Variants in ZBBX observed in about 807,000 individuals in gnomAD.
The protein encoded by ZBBX is zinc finger B-box domain-containing protein 1.
Under a neutral mutation model 108.5 loss-of-function variants are expected in ZBBX, and 101 were observed. The observed-to-expected ratio is 0.93, with a 90% CI of 0.79 to 1.10. The LOEUF (loss-of-function observed/expected upper bound fraction) is 1.10. ZBBX is among the 50% of genes least tolerant of loss of function. The pLI is 0.00. For missense variants in ZBBX, 1,009 were observed against 941.4 expected (o/e 1.07, Z -0.94); for synonymous variants, 356 against 323.4 (o/e 1.10, Z -1.08).
At position 167,321,937 on chromosome 3, in the gene ZBBX, C is replaced by T. The variant is rs534521733; in HGVS notation, c.983+180G>A. ...CTGTAAATTAATGATGCATCATATA[C>T]ATAAATAGAATTAAAATTCTTATTG... On this transcript the variant is annotated intron_variant, in intron 12 of 21. Coordinates refer to ENST00000675490, the MANE Select transcript of ZBBX (RefSeq NM_001199201.2). Among the ~76,000 whole-genome samples, 4 of 151,986 alleles carry T rather than the reference C, an allele frequency of 2.6e-5. No individual in the cohort carries two copies. In the South Asian group the frequency reaches 8.3e-4, roughly 32 times the overall value.
At position 167,366,124 on chromosome 3, in the gene ZBBX, A is replaced by G. The variant is rs148231247; in HGVS notation, c.183-148T>C. ...CAAAACATGAAAAATAAATATCAAT[A>G]ATGTCACAATATCCTCAGTAATTTT... is the stretch of plus-strand genomic sequence containing the variant. On this transcript the variant is annotated intron_variant, in intron 5 of 21. Transcript: ENST00000675490. The G allele has an allele frequency of 5.7e-5, 29 of 504,622 alleles. No homozygotes were observed. In the Middle Eastern group the frequency reaches 1.2e-3, roughly 21 times the overall value. The allele number at this position is 504,622 out of a possible 1,614,324, so 31.3% of individuals were successfully genotyped here.
chr3:167,220,939 G>T, the ZBBX span, among the ~76,000 whole-genome samples: 5 of 151,600 alleles, frequency 3.3e-5, no homozygotes, highest in Non-Finnish European at 7.4e-5. Flanking sequence ...ATCTGAAAAA[G>T]AAATCAAGAA....
At chr3:167,215,166 A>T in the ZBBX span, among the ~76,000 whole-genome samples, 9 of 152,116 alleles carry the variant, frequency 5.9e-5, no homozygotes, top group South Asian at 1.9e-3. Context: ...GAGACATGAA[A>T]AGTAATTCAA....
Position 167,328,489 on chromosome 3 carries a change from G to GT in ZBBX, c.688-374dup, listed in dbSNP as rs879754287. ...AACCTTCTCATATCAAAAAAACAGG[G>GT]TTTTTTTTTAATGTAAATCTGATCA... is the stretch of plus-strand genomic sequence containing the variant. On this transcript the variant is annotated intron_variant, in intron 10 of 21. Transcript: ENST00000675490. Among the ~76,000 whole-genome samples the GT allele has an allele frequency of 7.2e-3, 1,082 of 150,954 alleles. 4 individuals are homozygous for GT. The highest frequency in any genetic ancestry group is 0.012 in the African/African-American group (477 of 41,120).
intron 19 of ZBBX, among the ~76,000 whole-genome samples, chr3:167,288,656 G>C (rs547993225): frequency 2.5e-4 from 38 of 152,284 alleles, no homozygotes; most frequent in Non-Finnish European, 4.9e-4. Context: ...AAATAACTAA[G>C]ATGATAATTC....
At chr3:167,389,210 T>G (rs1314486974) in intron 1 of ZBBX, among the ~76,000 whole-genome samples, 1 of 152,088 alleles carries the variant, frequency 6.6e-6, no homozygotes, top group Non-Finnish European at 1.5e-5. Context: ...CTCCCACTTA[T>G]GAGTGAGAAC....
chr3:167,381,897 G>A (rs1747749407), upstream of ZBBX, among the ~76,000 whole-genome samples: 1 of 152,130 alleles, frequency 6.6e-6, no homozygotes. Flanking sequence ...AACTAATTGA[G>A]TTCTGTTTTA....
chr3:167,297,107 A>C (rs1731816453), intron 18 of ZBBX, among the ~76,000 whole-genome samples: 1 of 152,070 alleles, frequency 6.6e-6, no homozygotes, highest in Admixed American at 6.6e-5. Flanking sequence ...TGATTTTTTA[A>C]AAAGTATCCT....
chr3:167,333,470 T>G (rs1044491755), intron 10 of ZBBX, among the ~76,000 whole-genome samples: 5 of 152,164 alleles, frequency 3.3e-5, no homozygotes, highest in African/African-American at 1.2e-4. Context: ...GGTTTTGTAT[T>G]TTTAGCTTCT....
rs188625509 is a variant in ZBBX, at chr3:167,360,653, A to T, written c.322+22T>A. On this transcript the variant is annotated intron_variant, in intron 7 of 21. Transcript: ENST00000675490. ...GAAAGGGATGTCTTTAGCATTTATT[A>T]ACATGGTGATAAATTATTTACCTTG... is the stretch of plus-strand genomic sequence containing the variant. 3.0e-3 allele frequency: 3,887 copies of T among 1,302,088 alleles called. 10 individuals carry two copies. Among genetic ancestry groups the T allele is most frequent in the Non-Finnish European group, 3.3e-3 (3,284 of 990,296 alleles). The allele number at this position is 1,302,088 out of a possible 1,614,324, so 80.7% of individuals were successfully genotyped here. A position where few individuals can be genotyped will look rare whatever the true frequency, so the allele number is the denominator to read the frequency against.
chr3:167,347,332 A>G (rs1464677251), intron 9 of ZBBX, among the ~76,000 whole-genome samples: 1 of 152,030 alleles, frequency 6.6e-6, no homozygotes, highest in East Asian at 1.9e-4. Context: ...TAACATATCC[A>G]TCACCTCACA....
chr3:167,275,447 C>T lies in ZBBX; in HGVS notation c.2254+6791G>A, dbSNP rs572182327. ...GCACTGTGCGCGAGCCGAAGCAGGG[C>T]GAGGCATTGCCTCACTCGGGAAGCA... On this transcript the variant is annotated intron_variant, in intron 20 of 21. Transcript: ENST00000675490. Among the ~76,000 whole-genome samples the T allele has an allele frequency of 4.7e-3, 721 of 152,192 alleles. 8 individuals are homozygous for T. Among genetic ancestry groups the T allele is most frequent in the African/African-American group, 0.016 (683 of 41,500 alleles).
intron 10 of ZBBX, among the ~76,000 whole-genome samples, chr3:167,329,354 G>A (rs1380234775): frequency 2.6e-5 from 4 of 152,128 alleles, no homozygotes; most frequent in East Asian, 3.8e-4. Context: ...TGTTCAGCCC[G>A]CAATTGAAAA....
intron 11 of ZBBX, among the ~76,000 whole-genome samples, chr3:167,326,715 A>G (rs1370500100): frequency 2.0e-5 from 3 of 152,104 alleles, no homozygotes; most frequent in Non-Finnish European, 4.4e-5. Context: ...AACTACTAAG[A>G]AGACAGCATC....
intron 4 of ZBBX, among the ~76,000 whole-genome samples, chr3:167,370,113 T>A (rs1745928551): frequency 6.6e-6 from 1 of 152,130 alleles, no homozygotes; most frequent in African/African-American, 2.4e-5. Flanking sequence ...TCAGGCTGTA[T>A]CAAAGGAAAT....
At chr3:167,327,876 T>C in intron 11 of ZBBX, 66 bp downstream of exon 11, 2 of 1,460,778 alleles carry the variant, frequency 1.4e-6, no homozygotes, top group Non-Finnish European at 1.8e-6. Context: ...ATCACGCCGC[T>C]GCACTCCAGC....
rs112028636 is a variant in ZBBX at position 167,271,803 on chromosome 3, C to A, written c.2254+10435G>T. Among the ~76,000 whole-genome samples, 945 of 152,328 alleles carry A rather than the reference C, an allele frequency of 6.2e-3. 7 individuals carry two copies. The highest frequency in any genetic ancestry group is 0.02 in the African/African-American group (843 of 41,574). Reference sequence around the variant, plus strand: ...CTACACGGAAATGCCCCCAGTTGCTCATCTAAAGTATTTGTTATTAATAGT... The same window carrying A: ...CTACACGGAAATGCCCCCAGTTGCTAATCTAAAGTATTTGTTATTAATAGT... On this transcript the variant is annotated intron_variant, in intron 20 of 21. Transcript: ENST00000675490.
intron 14 of ZBBX, among the ~76,000 whole-genome samples, chr3:167,316,111 G>C (rs1735409113): frequency 6.6e-6 from 1 of 152,070 alleles, no homozygotes; most frequent in Non-Finnish European, 1.5e-5. Context: ...TTAGTGACTA[G>C]GAAGTTGTCA....
intron 20 of ZBBX, among the ~76,000 whole-genome samples, chr3:167,249,141 T>C (rs1209685854): frequency 6.6e-6 from 1 of 152,206 alleles, no homozygotes; most frequent in Admixed American, 6.5e-5. Context: ...CTTAGCCCTC[T>C]GCAAAAAGGT....
Sources: allele counts gnomAD v4.1 joint callset (sites outside exome capture counted in the v4.1 genomes callset), GRCh38; gene constraint gnomAD v4.1.1; transcripts MANE v1.5; gene names NCBI Gene and HGNC (gene_info 2026-07-23, HGNC 2026-07-21).